Variants in IL1RAPL1 observed in about 807,000 individuals in gnomAD.
IL1RAPL1 encodes the protein interleukin-1 receptor accessory protein-like 1.
In IL1RAPL1, 3 loss-of-function variants were observed where a neutral mutation model predicts 48.4. The ratio of observed to expected loss-of-function variants is 0.06; its 90% CI spans 0.03 to 0.16. The LOEUF (loss-of-function observed/expected upper bound fraction) is 0.16. IL1RAPL1 is among the 10% of genes least tolerant of loss of function. The pLI, the probability that IL1RAPL1 is intolerant of heterozygous loss-of-function variation, is 1.00. For synonymous variants in IL1RAPL1, 185 were observed against 187.7 expected (o/e 0.99, Z 0.12); for missense variants, 349 against 530.6 (o/e 0.66, Z 3.36).
chrX:29,773,368 A>T (rs1231540465), intron 6 of IL1RAPL1, among the ~76,000 whole-genome samples: 1 of 112,036 alleles, frequency 8.9e-6, no homozygotes, highest in Non-Finnish European at 1.9e-5. Context: ...CTGTACCCAC[A>T]TATTTCTGTA....
chrX:28,984,342 A>G (rs978061876), intron 2 of IL1RAPL1, among the ~76,000 whole-genome samples: 5 of 111,921 alleles, frequency 4.5e-5, no homozygotes, highest in Non-Finnish European at 9.4e-5. Flanking sequence ...TAAGACTGTA[A>G]TTCACACAAG....
At chrX:29,438,366 T>G (rs761638651) in intron 5 of IL1RAPL1, among the ~76,000 whole-genome samples, 2 of 111,455 alleles carry the variant, frequency 1.8e-5, no homozygotes, top group Non-Finnish European at 3.8e-5. Context: ...TGCTTTTCTA[T>G]TTTGAATTTC....
At chrX:28,637,631 G>A (rs1365035740) in intron 1 of IL1RAPL1, among the ~76,000 whole-genome samples, 1 of 111,723 alleles carries the variant, frequency 9.0e-6, no homozygotes, top group East Asian at 2.8e-4. Flanking sequence ...TTAGAACATT[G>A]CATCAAAGAA....
chrX:29,375,159 ATT>A (rs764787587), intron 3 of IL1RAPL1, among the ~76,000 whole-genome samples: 9 of 75,960 alleles, frequency 1.2e-4, no homozygotes, highest in Admixed American at 1.7e-4. Context: ...ATTGGGAGCA[ATT>A]TTTTTTTTTT....
intron 2 of IL1RAPL1, among the ~76,000 whole-genome samples, chrX:28,945,185 C>T (rs1924264998): frequency 9.0e-6 from 1 of 111,377 alleles, no homozygotes; most frequent in Non-Finnish European, 1.9e-5. Context: ...TTGTGGAAGA[C>T]AGTGTGGCGA....
chrX:28,652,115 A>G (rs1312395684), intron 1 of IL1RAPL1, among the ~76,000 whole-genome samples: 1 of 111,291 alleles, frequency 9.0e-6, no homozygotes, highest in African/African-American at 3.3e-5. Context: ...CCAGCTACTC[A>G]AACCTTGATT....
chrX:29,127,590 C>A (rs187920391), intron 2 of IL1RAPL1, among the ~76,000 whole-genome samples: 1 of 112,038 alleles, frequency 8.9e-6, no homozygotes, highest in Admixed American at 9.5e-5. Context: ...CAGCCCTAAT[C>A]TCCTTTTGAG....
intron 6 of IL1RAPL1, among the ~76,000 whole-genome samples, chrX:29,674,106 G>T (rs772007516): frequency 9.0e-6 from 1 of 111,358 alleles, no homozygotes; most frequent in African/African-American, 3.3e-5. Context: ...TGCTATCTAC[G>T]TAGAAGTTGA....
intron 3 of IL1RAPL1, among the ~76,000 whole-genome samples, chrX:29,333,225 C>T (rs1932908752): frequency 9.3e-6 from 1 of 106,990 alleles, no homozygotes; most frequent in African/African-American, 3.4e-5. Flanking sequence ...GTAGGGGCGG[C>T]CGGGCAGAAG....
intron 5 of IL1RAPL1, among the ~76,000 whole-genome samples, chrX:29,625,699 A>G (rs984063760): frequency 7.1e-5 from 8 of 112,039 alleles, no homozygotes; most frequent in South Asian, 3.7e-4. Flanking sequence ...TCTAGTTTCT[A>G]TATAAAAAAT....
chrX:28,977,236 A>G (rs1925227256), intron 2 of IL1RAPL1, among the ~76,000 whole-genome samples: 1 of 112,290 alleles, frequency 8.9e-6, no homozygotes, highest in African/African-American at 3.2e-5. Flanking sequence ...TAATTTACAA[A>G]GAAAAAAGGT....
intron 1 of IL1RAPL1, among the ~76,000 whole-genome samples, chrX:28,656,270 C>T (rs917342879): frequency 9.0e-6 from 1 of 110,868 alleles, no homozygotes; most frequent in African/African-American, 3.3e-5. Context: ...GTATTTTCTT[C>T]TCCTACTCTT....
intron 1 of IL1RAPL1, among the ~76,000 whole-genome samples, chrX:28,657,480 T>C (rs1294976569): frequency 3.6e-5 from 4 of 112,456 alleles, no homozygotes; most frequent in Non-Finnish European, 7.5e-5. Flanking sequence ...GGAAAAGATA[T>C]TCCTGATAAA....
rs1051528837 is a variant in IL1RAPL1 at position 29,893,347 on chromosome X, C to T, written c.779-24117C>T. ...CTGTCTCAGGGGCCTAAATTCGAGC[C>T]ACCGCATTTATGTTTTAGAATAGCG... On this transcript the variant is annotated intron_variant, in intron 6 of 10. Coordinates refer to ENST00000378993, the MANE Select transcript of IL1RAPL1 (RefSeq NM_014271.4). 4.1e-4 allele frequency among the ~76,000 whole-genome samples: 46 copies of T among 111,198 alleles called. 1 individual carries two copies. The highest frequency in any genetic ancestry group is 1.1e-4 in the Non-Finnish European group (6 of 53,043).
chrX:29,123,108 C>A (rs926446768), intron 2 of IL1RAPL1, among the ~76,000 whole-genome samples: 2 of 109,879 alleles, frequency 1.8e-5, no homozygotes, highest in Non-Finnish European at 3.8e-5. Context: ...CAGCTCACTG[C>A]AATCTCTGCC....
chrX:28,924,994 C>T (rs1401776144), intron 2 of IL1RAPL1, among the ~76,000 whole-genome samples: 1 of 111,468 alleles, frequency 9.0e-6, no homozygotes, highest in Non-Finnish European at 1.9e-5. Context: ...TTTTCGTATA[C>T]CACCTGTTGA....
intron 2 of IL1RAPL1, among the ~76,000 whole-genome samples, chrX:28,926,434 T>C (rs182984425): frequency 6.6e-4 from 73 of 110,842 alleles, no homozygotes; most frequent in African/African-American, 2.4e-3. Flanking sequence ...AAAACAAGAG[T>C]ACTTAGTAAG....
intron 2 of IL1RAPL1, among the ~76,000 whole-genome samples, chrX:29,240,193 CACATAT>C (rs1362264588): frequency 8.7e-4 from 32 of 36,627 alleles, no homozygotes; most frequent in South Asian, 1.4e-3. Context: ...TACACACACA[CACATAT>C]ATATATATAT....
chrX:29,606,214 G>T (rs922633699), intron 5 of IL1RAPL1, among the ~76,000 whole-genome samples: 2 of 111,456 alleles, frequency 1.8e-5, no homozygotes, highest in African/African-American at 3.3e-5. Context: ...GCCAAATTTC[G>T]AATTTCTTGT....
Sources: allele counts gnomAD v4.1 joint callset (sites outside exome capture counted in the v4.1 genomes callset), GRCh38; gene constraint gnomAD v4.1.1; transcripts MANE v1.5; gene names NCBI Gene and HGNC (gene_info 2026-07-23, HGNC 2026-07-21).